The following KCTD16 variants were observed in gnomAD, a reference collection of about 807,000 sequenced individuals.
KCTD16 encodes BTB/POZ domain-containing protein KCTD16.
KCTD16 carries 13 observed loss-of-function variants against 33.2 expected under a neutral mutation model. That is an observed-to-expected ratio of 0.39 (90% CI 0.25 to 0.62). The LOEUF (loss-of-function observed/expected upper bound fraction) is 0.62. Ranked by LOEUF, KCTD16 falls within the 20% of genes least tolerant of loss-of-function variation. The probability of loss-of-function intolerance (pLI) is 0.50; values close to 1 mark genes in which losing one functional copy is unlikely to be tolerated. For missense variants in KCTD16, 441 were observed against 525.1 expected, an observed-to-expected ratio of 0.84 and a Z score of 1.57; for synonymous variants, 197 against 195.3, an observed-to-expected ratio of 1.01 and a Z score of -0.07.
At chr5:144,240,060 T>G (rs1389573076) in intron 3 of KCTD16, among the ~76,000 whole-genome samples, 1 of 152,162 alleles carries the variant, frequency 6.6e-6, no homozygotes, top group Non-Finnish European at 1.5e-5. Flanking sequence ...AAGTGGGTAC[T>G]ATTAACACCT....
At chr5:144,425,458 A>G (rs73792005) in intron 3 of KCTD16, among the ~76,000 whole-genome samples, 8 of 151,890 alleles carry the variant, frequency 5.3e-5, no homozygotes, top group African/African-American at 1.7e-4. Context: ...GAAGGGCCTC[A>G]GTCTCATGGT....
intron 3 of KCTD16, among the ~76,000 whole-genome samples, chr5:144,255,994 C>T (rs114826101): frequency 1.1e-4 from 16 of 152,312 alleles, no homozygotes; most frequent in Admixed American, 2.6e-4. Context: ...CTCAGAGAGA[C>T]AGTATTAACA....
At chr5:144,375,363 T>A (rs941899344) in intron 3 of KCTD16, among the ~76,000 whole-genome samples, 1 of 152,228 alleles carries the variant, frequency 6.6e-6, no homozygotes, top group Non-Finnish European at 1.5e-5. Context: ...CTGGAGCCTA[T>A]AATCATACAT....
intron 2 of KCTD16, among the ~76,000 whole-genome samples, chr5:144,195,464 G>T (rs576217660): frequency 6.6e-6 from 1 of 152,106 alleles, no homozygotes; most frequent in African/African-American, 2.4e-5. Flanking sequence ...CTCCAGCACC[G>T]TTGCTTGGTC....
chr5:144,414,847 G>A (rs527739168), intron 3 of KCTD16, among the ~76,000 whole-genome samples: 1 of 152,254 alleles, frequency 6.6e-6, no homozygotes, highest in South Asian at 2.1e-4. Context: ...TTGTATTCGT[G>A]TGTCTGCAGC....
At chr5:144,324,945 A>G (rs1009495302) in intron 3 of KCTD16, among the ~76,000 whole-genome samples, 1 of 152,198 alleles carries the variant, frequency 6.6e-6, no homozygotes, top group South Asian at 2.1e-4. Flanking sequence ...AGGGAGGGAG[A>G]GCATCAGAAA....
At chr5:144,433,008 A>G (rs1753499027) in intron 3 of KCTD16, among the ~76,000 whole-genome samples, 1 of 152,128 alleles carries the variant, frequency 6.6e-6, no homozygotes, top group South Asian at 2.1e-4. Flanking sequence ...GAGAGATTAA[A>G]TGATTTATTC....
At chr5:144,302,849 C>G (rs978116129) in intron 3 of KCTD16, among the ~76,000 whole-genome samples, 6 of 152,244 alleles carry the variant, frequency 3.9e-5, no homozygotes, top group African/African-American at 1.4e-4. Flanking sequence ...GATTAAAAAG[C>G]CCACTTGGCC....
chr5:144,183,473 A>G (rs1752666692), intron 2 of KCTD16, among the ~76,000 whole-genome samples: 1 of 152,072 alleles, frequency 6.6e-6, no homozygotes. Context: ...TTCCATGCTC[A>G]TTTTGCCCCC....
At chr5:144,454,673 G>A (rs1357315865) in intron 3 of KCTD16, among the ~76,000 whole-genome samples, 1 of 152,150 alleles carries the variant, frequency 6.6e-6, no homozygotes, top group Non-Finnish European at 1.5e-5. Flanking sequence ...CTTTGAGAAG[G>A]AAACGCTTCA....
intron 3 of KCTD16, among the ~76,000 whole-genome samples, chr5:144,296,215 T>TA (rs61121607): frequency 0.22 from 32,633 of 151,658 alleles, 3,945 homozygotes; most frequent in Non-Finnish European, 0.28. Flanking sequence ...CCAGAAATGG[T>TA]AAAAAAAATA....
At chr5:144,196,849 A>AC (rs1302470877) in intron 2 of KCTD16, among the ~76,000 whole-genome samples, 1 of 152,134 alleles carries the variant, frequency 6.6e-6, no homozygotes, top group Non-Finnish European at 1.5e-5. Flanking sequence ...ATTTTGAGAG[A>AC]CCCCTAGGGT....
At chr5:144,451,906 T>A (rs888450520) in intron 3 of KCTD16, among the ~76,000 whole-genome samples, 1 of 152,056 alleles carries the variant, frequency 6.6e-6, no homozygotes, top group African/African-American at 2.4e-5. Context: ...GACATTTTCC[T>A]TATCAGGGTG....
At chr5:144,271,139 G>A (rs1397211998) in intron 3 of KCTD16, among the ~76,000 whole-genome samples, 2 of 151,962 alleles carry the variant, frequency 1.3e-5, no homozygotes, top group African/African-American at 4.8e-5. Flanking sequence ...AAATACTGAA[G>A]AGGAGGGAAA....
chr5:144,414,349 A>G (rs1274529196), intron 3 of KCTD16, among the ~76,000 whole-genome samples: 2 of 152,198 alleles, frequency 1.3e-5, no homozygotes, highest in Admixed American at 6.5e-5. Context: ...AACTGATGAC[A>G]TTTTTATCCT....
chr5:144,252,764 G>A (rs1008293867), intron 3 of KCTD16, among the ~76,000 whole-genome samples: 2 of 151,804 alleles, frequency 1.3e-5, no homozygotes, highest in Non-Finnish European at 2.9e-5. Context: ...CATCAGAGAA[G>A]CCTTGAGATG....
At chr5:144,345,721 G>A (rs1426241007) in intron 3 of KCTD16, among the ~76,000 whole-genome samples, 1 of 151,988 alleles carries the variant, frequency 6.6e-6, no homozygotes, top group Non-Finnish European at 1.5e-5. Context: ...TTTTATTTTT[G>A]TGGGTACATA....
chr5:144,348,967 C>A (rs1193260563), intron 3 of KCTD16, among the ~76,000 whole-genome samples: 1 of 152,016 alleles, frequency 6.6e-6, no homozygotes, highest in Admixed American at 6.6e-5. Context: ...GTGGGAAAGG[C>A]AAAAACGGGC....
chr5:144,292,444 AG>A (rs1312713215), intron 3 of KCTD16, among the ~76,000 whole-genome samples: 1 of 152,186 alleles, frequency 6.6e-6, no homozygotes, highest in African/African-American at 2.4e-5. Context: ...GCCAGGTCAA[AG>A]GTGGTGGCCA....
Sources: allele counts gnomAD v4.1 joint callset (sites outside exome capture counted in the v4.1 genomes callset), GRCh38; gene constraint gnomAD v4.1.1; transcripts MANE v1.5; gene names NCBI Gene and HGNC (gene_info 2026-07-23, HGNC 2026-07-21).